TOP2B: variants seen among roughly 807,000 people sequenced by gnomAD.
TOP2B encodes DNA topoisomerase 2-beta.
TOP2B carries 51 observed loss-of-function variants against 193.5 expected under a neutral mutation model. That is an observed-to-expected ratio of 0.26 (90% CI 0.21 to 0.33). The LOEUF is 0.33. Among genes scored for constraint, TOP2B ranks in the 10% least tolerant of loss-of-function variants. TOP2B has a pLI of 1.00. For missense variants in TOP2B, 1,378 were observed against 1,909.3 expected, an observed-to-expected ratio of 0.72 and a Z score of 5.19; for synonymous variants, 634 against 635.7, an observed-to-expected ratio of 1.00 and a Z score of 0.04.
chr3:25,642,406 A>G, intron 3 of TOP2B, 21 bp from the exon 4 acceptor site: 2 of 1,467,358 alleles, frequency 1.4e-6, no homozygotes, highest in Non-Finnish European at 1.9e-6. Flanking sequence ...AAACACCTCA[A>G]TGAGTAATAT....
intron 28 of TOP2B, 43 bp from the exon 29 acceptor site, chr3:25,609,755 A>G (rs1178182106): frequency 7.7e-6 from 11 of 1,424,966 alleles, no homozygotes; most frequent in Non-Finnish European, 1.0e-5. Context: ...AAAAATAAAA[A>G]CATCACATAT....
chr3:25,608,771 CATT>C (rs1702296456), intron 30 of TOP2B, among the ~76,000 whole-genome samples: 1 of 152,072 alleles, frequency 6.6e-6, no homozygotes, highest in African/African-American at 2.4e-5. Context: ...GCACAACTAT[CATT>C]ATCTAAAAGA....
At chr3:25,619,546 T>C (rs185521966) in intron 23 of TOP2B, among the ~76,000 whole-genome samples, 27 of 152,218 alleles carry the variant, frequency 1.8e-4, no homozygotes, top group Non-Finnish European at 1.8e-4. Flanking sequence ...AAAATGCTAA[T>C]AGAGATGGCC....
Position 25,664,612 on chromosome 3 carries a change from C to T in TOP2B, c.-315G>A. 1 of 996,208 alleles carries T rather than the reference C, an allele frequency of 1.0e-6. No individual in the cohort carries two copies. The highest frequency in any genetic ancestry group is 1.2e-6 in the Non-Finnish European group (1 of 837,678). The allele number at this position is 996,208 out of a possible 1,614,324, so 61.7% of individuals were successfully genotyped here. ...TTGCCTTCTCGCCCGCCCGCGGGCG[C>T]CGCTGCAGGCCGGGCTGAAGCCCGG... On this transcript the variant is annotated 5_prime_UTR_variant, in exon 1 of 36. Coordinates refer to ENST00000264331, the MANE Select transcript of TOP2B (RefSeq NM_001330700.2).
chr3:25,649,468 G>A (rs1404290788), intron 1 of TOP2B, among the ~76,000 whole-genome samples: 1 of 151,914 alleles, frequency 6.6e-6, no homozygotes, highest in Middle Eastern at 3.4e-3. Context: ...AAAAGTCATA[G>A]ACAAAGAGAG....
chr3:25,638,485 G>A (rs377284068), intron 4 of TOP2B, among the ~76,000 whole-genome samples, 175 bp from the exon 5 acceptor site: 7 of 151,586 alleles, frequency 4.6e-5, no homozygotes, highest in Non-Finnish European at 7.4e-5. Flanking sequence ...GAAAATACTC[G>A]CTGAGGACAA....
At chr3:25,654,040 C>A (rs1283361739) in intron 1 of TOP2B, among the ~76,000 whole-genome samples, 1 of 152,088 alleles carries the variant, frequency 6.6e-6, no homozygotes, top group African/African-American at 2.4e-5. Flanking sequence ...CCTCTAAGAT[C>A]AGGAGGAACA....
At chr3:25,635,328 G>T (rs971103133) in intron 7 of TOP2B, among the ~76,000 whole-genome samples, 1 of 152,012 alleles carries the variant, frequency 6.6e-6, no homozygotes, top group African/African-American at 2.4e-5. Flanking sequence ...AACTTACAGG[G>T]CATGCCAAAA....
At chr3:25,622,179 T>G (rs1427933147) in intron 21 of TOP2B, among the ~76,000 whole-genome samples, 4 of 152,138 alleles carry the variant, frequency 2.6e-5, no homozygotes, top group Admixed American at 6.6e-5. Flanking sequence ...CTTAGCACAG[T>G]TTCATACACA....
At chr3:25,662,149 C>T (rs6799331) in intron 1 of TOP2B, among the ~76,000 whole-genome samples, 33,633 of 152,188 alleles carry the variant, frequency 0.22, 5,385 homozygotes, top group African/African-American at 0.46. Flanking sequence ...CTGTGCTACA[C>T]ACGTTATCTC....
At chr3:25,600,844 T>G (rs1702072984) in intron 34 of TOP2B, among the ~76,000 whole-genome samples, 1 of 152,224 alleles carries the variant, frequency 6.6e-6, no homozygotes, top group South Asian at 2.1e-4. Context: ...GGGGAGAATT[T>G]GGACCATTCT....
At chr3:25,604,102 T>A (rs1702176339) in intron 33 of TOP2B, among the ~76,000 whole-genome samples, 1 of 152,238 alleles carries the variant, frequency 6.6e-6, no homozygotes, top group Non-Finnish European at 1.5e-5. Flanking sequence ...AATACATGTG[T>A]CTGTAATGAT....
intron 27 of TOP2B, 39 bp from the exon 28 acceptor site, chr3:25,612,748 T>C (rs746131485): frequency 9.9e-6 from 15 of 1,509,536 alleles, no homozygotes; most frequent in Non-Finnish European, 3.6e-6. Flanking sequence ...CATAAACAAC[T>C]TCTTAGAAAA....
rs1575591939 is a variant in TOP2B, at chr3:25,662,788, A to G, written c.69+1441T>C. On this transcript the variant is annotated intron_variant, in intron 1 of 35. Coordinates refer to ENST00000264331, the MANE Select transcript of TOP2B (RefSeq NM_001330700.2). ...TTATAGAACCAGAGGTCTTCAGAGG[A>G]AACACCGATCAGGCCTCAACACTTC... 2.0e-5 allele frequency among the ~76,000 whole-genome samples: 3 copies of G among 152,374 alleles called. No homozygotes were observed. In the East Asian group the frequency reaches 5.8e-4, roughly 29 times the overall value.
intron 11 of TOP2B, 145 bp downstream of exon 11, chr3:25,630,656 G>T: frequency 2.3e-6 from 2 of 868,982 alleles, no homozygotes; most frequent in Non-Finnish European, 3.4e-6. Context: ...TTAGTAATAT[G>T]TTGTGTATGT....
intron 5 of TOP2B, among the ~76,000 whole-genome samples, chr3:25,637,892 G>A (rs537908339): frequency 1.3e-5 from 2 of 151,986 alleles, no homozygotes; most frequent in South Asian, 4.1e-4. Flanking sequence ...TATATACATA[G>A]ACATCATACC....
At position 25,604,756 on chromosome 3, in the gene TOP2B, A is replaced by G. The variant is rs1702193867; in HGVS notation, c.4489+4T>C. Reference sequence around the variant, plus strand: ...GCTTAACTCAATCAAATATAAGTACATACCCTTTTTAGCAGCTACCGTTTT... The same window carrying G: ...GCTTAACTCAATCAAATATAAGTACGTACCCTTTTTAGCAGCTACCGTTTT... On this transcript the variant is annotated splice_donor_region_variant and intron_variant, in intron 33 of 35. Transcript: ENST00000264331. The G allele has an allele frequency of 2.5e-6, 4 of 1,599,932 alleles. No homozygotes were observed. Among genetic ancestry groups the G allele is most frequent in the Non-Finnish European group, 3.4e-6 (4 of 1,167,804 alleles).
chr3:25,633,714 G>T, intron 8 of TOP2B, 127 bp downstream of exon 8: 1 of 717,608 alleles, frequency 1.4e-6, no homozygotes, highest in Middle Eastern at 4.4e-4. Context: ...GTTTTCATAA[G>T]TCAATTCTTA....
At chr3:25,645,945 A>G (rs984270658) in intron 1 of TOP2B, among the ~76,000 whole-genome samples, 2 of 111,094 alleles carry the variant, frequency 1.8e-5, no homozygotes, top group Non-Finnish European at 3.7e-5. Flanking sequence ...TTTTTTTTGT[A>G]TTTTTAGTAG....
Sources: allele counts gnomAD v4.1 joint callset (sites outside exome capture counted in the v4.1 genomes callset), GRCh38; gene constraint gnomAD v4.1.1; transcripts MANE v1.5; gene names NCBI Gene and HGNC (gene_info 2026-07-23, HGNC 2026-07-21).